GPR39: variants seen among roughly 807,000 people sequenced by gnomAD.
The protein encoded by GPR39 is G protein-coupled receptor 39.
In GPR39, 23 loss-of-function variants were observed where a neutral mutation model predicts 18.4. That is an observed-to-expected ratio of 1.25 (90% CI 0.90 to 1.77). The LOEUF (loss-of-function observed/expected upper bound fraction) is 1.77. GPR39 is among the 40% of genes most tolerant of loss of function. The pLI, the probability that GPR39 is intolerant of heterozygous loss-of-function variation, is 0.00. For synonymous variants in GPR39, 280 were observed against 257.9 expected (o/e 1.09, Z -0.82); for missense variants, 647 against 602.4 (o/e 1.07, Z -0.78).
At chr2:132,430,704 C>G (rs1680210589) in intron 1 of GPR39, among the ~76,000 whole-genome samples, 1 of 152,064 alleles carries the variant, frequency 6.6e-6, no homozygotes, top group African/African-American at 2.4e-5. Context: ...GAGATGAGGG[C>G]AGGTGATGGA....
At chr2:132,607,836 T>G (rs1433383864) in intron 1 of GPR39, among the ~76,000 whole-genome samples, 1 of 152,222 alleles carries the variant, frequency 6.6e-6, no homozygotes, top group Non-Finnish European at 1.5e-5. Flanking sequence ...TTTACGCTCT[T>G]GGCAGGCAAT....
intron 1 of GPR39, among the ~76,000 whole-genome samples, chr2:132,471,726 T>G (rs1681036520): frequency 6.6e-6 from 1 of 151,826 alleles, no homozygotes; most frequent in Non-Finnish European, 1.5e-5. Flanking sequence ...TGCCATTCTG[T>G]CAGTCAGATT....
Position 132,645,552 on chromosome 2 carries a change from C to A in GPR39, c.1308C>A (p.Gly436=). The stretch of plus-strand genomic sequence containing the variant: ...TCGAGTCACTAGAGCCCAACTCAGG[C>A]GCGAAACCAGCCAATTCTGCTGCAG... The part of the protein sequence containing the change: ...LSLESLEPNS[G]AKPANSAAEN... Residue 436 remains glycine, a synonymous_variant, in exon 2 of 2, where the codon GGC becomes GGA. Transcript: ENST00000329321. 6.2e-7 allele frequency: 1 copy of A among 1,614,100 alleles called. No homozygotes were observed. The highest frequency in any genetic ancestry group is 8.5e-7 in the Non-Finnish European group (1 of 1,180,004).
chr2:132,560,439 A>G (rs1361669877), intron 1 of GPR39, among the ~76,000 whole-genome samples: 1 of 152,128 alleles, frequency 6.6e-6, no homozygotes, highest in African/African-American at 2.4e-5. Flanking sequence ...GATTGCATCG[A>G]AGAACAAACT....
At chr2:132,510,528 G>C (rs1298121825) in intron 1 of GPR39, among the ~76,000 whole-genome samples, 1 of 152,114 alleles carries the variant, frequency 6.6e-6, no homozygotes. Context: ...ACAGAGCCTG[G>C]ACTATTCCAG....
chr2:132,509,862 G>T (rs1278416551), intron 1 of GPR39, among the ~76,000 whole-genome samples: 1 of 152,124 alleles, frequency 6.6e-6, no homozygotes. Context: ...ATCTGCTCAT[G>T]GTCCTGAAGC....
chr2:132,434,440 T>C (rs1373407721), intron 1 of GPR39, among the ~76,000 whole-genome samples: 1 of 152,206 alleles, frequency 6.6e-6, no homozygotes. Flanking sequence ...ACCTTACCAG[T>C]AAGGAACTGC....
intron 1 of GPR39, among the ~76,000 whole-genome samples, chr2:132,590,227 A>C (rs956313116): frequency 6.6e-6 from 1 of 152,154 alleles, no homozygotes; most frequent in African/African-American, 2.4e-5. Flanking sequence ...CACTGCTAGC[A>C]TTTTCTGGCT....
Position 132,455,356 on chromosome 2 carries a change from T to C in GPR39, c.856+37458T>C, listed in dbSNP as rs369079272. Among the ~76,000 whole-genome samples, 29 of 152,334 alleles carry C rather than the reference T, an allele frequency of 1.9e-4. 1 individual carries two copies. The East Asian group carries it at 5.4e-3, about 28-fold the overall frequency. On this transcript the variant is annotated intron_variant, in intron 1 of 1. Coordinates refer to ENST00000329321, the MANE Select transcript of GPR39 (RefSeq NM_001508.3). Reference sequence around the variant, plus strand: ...CCTTTATGATTTTTTATTGTGTCTATTTGATTCTTCTCTCTTTTCTTCTTT... The same window carrying C: ...CCTTTATGATTTTTTATTGTGTCTACTTGATTCTTCTCTCTTTTCTTCTTT...
Position 132,645,172 on chromosome 2 carries a change from C to G in GPR39, c.928C>G (p.Pro310Ala), listed in dbSNP as rs1681987002. 6.8e-6 allele frequency: 11 copies of G among 1,614,190 alleles called. No homozygotes were observed. The highest frequency in any genetic ancestry group is 9.3e-6 in the Non-Finnish European group (11 of 1,180,028). Residue 310 changes from proline to alanine, a missense_variant, in exon 2 of 2, where the codon CCC becomes GCC. By Grantham distance (27) the Pro-to-Ala change is conservative. This residue lies in a region of GPR39 where 581 missense variants were observed against 506.8 expected (regional missense o/e 1.15). Coordinates refer to ENST00000329321, the MANE Select transcript of GPR39 (RefSeq NM_001508.3). ...TCGGAGGATCATGGCTGCGGCCAAA[C>G]CCAAGCACGACTGGACGAGGTCCTA... is the stretch of plus-strand genomic sequence containing the variant. Reference protein sequence around the residue: ...QIRRIMAAAKPKHDWTRSYFR... With the variant: ...QIRRIMAAAKAKHDWTRSYFR...
intron 1 of GPR39, among the ~76,000 whole-genome samples, chr2:132,449,235 T>TTTGTTTG (rs1553448176): frequency 2.4e-5 from 2 of 82,680 alleles, no homozygotes; most frequent in African/African-American, 7.2e-5. Context: ...CTTCGTGTTT[T>TTTGTTTG]TTTGTTTGTT....
At chr2:132,614,472 C>T (rs1224202087) in intron 1 of GPR39, among the ~76,000 whole-genome samples, 1 of 152,096 alleles carries the variant, frequency 6.6e-6, no homozygotes, top group Non-Finnish European at 1.5e-5. Context: ...ATCTCTTGAC[C>T]TTGTGATCCA....
At chr2:132,493,082 T>TACCATATATACCATATATATAC (rs1681534762) in intron 1 of GPR39, among the ~76,000 whole-genome samples, 1 of 142,632 alleles carries the variant, frequency 7.0e-6, no homozygotes, top group African/African-American at 2.6e-5. Context: ...ACCACATATA[T>TACCATATATACCATATATATAC]ACCATATATA....
chr2:132,644,378 C>G (rs1681942533), intron 1 of GPR39, among the ~76,000 whole-genome samples: 1 of 152,180 alleles, frequency 6.6e-6, no homozygotes, highest in African/African-American at 2.4e-5. Context: ...ACTGGCTGAA[C>G]TAGAAGGAAG....
intron 1 of GPR39, among the ~76,000 whole-genome samples, chr2:132,625,744 A>T (rs1681531115): frequency 6.6e-6 from 1 of 152,210 alleles, no homozygotes; most frequent in African/African-American, 2.4e-5. Context: ...TATGTCTGTG[A>T]TCATCTGCCT....
intron 1 of GPR39, among the ~76,000 whole-genome samples, chr2:132,549,589 C>A (rs1680006794): frequency 6.6e-6 from 1 of 152,038 alleles, no homozygotes; most frequent in Non-Finnish European, 1.5e-5. Context: ...GAGATTGAGA[C>A]CATCCTGGCT....
intron 1 of GPR39, among the ~76,000 whole-genome samples, chr2:132,434,970 G>A (rs764024403): frequency 2.4e-4 from 36 of 152,206 alleles, no homozygotes; most frequent in South Asian, 6.2e-4. Flanking sequence ...TGACGAGGAA[G>A]ATGACATAAA....
chr2:132,625,837 G>A (rs1406994295), intron 1 of GPR39, among the ~76,000 whole-genome samples: 1 of 152,174 alleles, frequency 6.6e-6, no homozygotes, highest in Non-Finnish European at 1.5e-5. Context: ...GCCTGGCTGG[G>A]TGCAGTGGCT....
At chr2:132,502,193 A>C (rs1404597385) in intron 1 of GPR39, among the ~76,000 whole-genome samples, 1 of 152,050 alleles carries the variant, frequency 6.6e-6, no homozygotes, top group African/African-American at 2.4e-5. Flanking sequence ...ATGCTTTAAG[A>C]AGGTTCTATT....
Sources: gnomAD v4.1 joint callset for allele counts (sites outside exome capture counted in the v4.1 genomes callset) on GRCh38, gnomAD v4.1.1 for gene constraint, gnomAD v4.1.1 regional missense constraint, MANE v1.5 for transcripts, NCBI Gene and HGNC (gene_info 2026-07-23, HGNC 2026-07-21) for gene names.